ALX1: variants seen among roughly 807,000 people sequenced by gnomAD.
ALX1 encodes the protein ALX homeobox 1, also known as ALX homeobox protein 1.
ALX1 carries 19 observed loss-of-function variants against 31.7 expected under a neutral mutation model. The observed-to-expected ratio is 0.60, with a 90% CI of 0.42 to 0.88. The LOEUF is 0.88. ALX1 is among the 40% of genes least tolerant of loss of function. The probability of loss-of-function intolerance (pLI) is 0.00; values close to 1 mark genes in which losing one functional copy is unlikely to be tolerated. For synonymous variants in ALX1, 153 were observed against 148.8 expected, an observed-to-expected ratio of 1.03 and a Z score of -0.20; for missense variants, 415 against 407.8, an observed-to-expected ratio of 1.02 and a Z score of -0.15.
At chr12:85,285,186 A>G (rs945914669) in intron 2 of ALX1, among the ~76,000 whole-genome samples, 2 of 152,094 alleles carry the variant, frequency 1.3e-5, no homozygotes, top group African/African-American at 4.8e-5. Flanking sequence ...CCAACTGTAC[A>G]TAATGCATCT....
At chr12:85,286,398 A>G (rs1896747743) in intron 2 of ALX1, among the ~76,000 whole-genome samples, 1 of 152,006 alleles carries the variant, frequency 6.6e-6, no homozygotes, top group Non-Finnish European at 1.5e-5. Context: ...CTTTTGTGAT[A>G]TATTTTAAAG....
At chr12:85,294,796 TG>T (rs1354831676) in intron 3 of ALX1, among the ~76,000 whole-genome samples, 2 of 151,058 alleles carry the variant, frequency 1.3e-5, no homozygotes, top group African/African-American at 2.4e-5. Context: ...TTTTTTTTAA[TG>T]GAAAAGTCAC....
chr12:85,290,714 A>G (rs1896807184), intron 3 of ALX1, among the ~76,000 whole-genome samples: 1 of 151,036 alleles, frequency 6.6e-6, no homozygotes, highest in Non-Finnish European at 1.5e-5. Flanking sequence ...TAATCTATTT[A>G]TTTTTCCTCA....
At position 85,281,731 on chromosome 12, in the gene ALX1, C is replaced by A. The variant is rs370786073; in HGVS notation, c.226+1244C>A. ...AGTCATTTATTTAGAAAGATTCGAGCGTATACTTTTTGTTATTCTTACACT... is the reference window on the plus strand; with the variant it reads ...AGTCATTTATTTAGAAAGATTCGAGAGTATACTTTTTGTTATTCTTACACT... On this transcript the variant is annotated intron_variant, in intron 1 of 3. Transcript: ENST00000316824. 1.1e-4 allele frequency among the ~76,000 whole-genome samples: 16 copies of A among 152,168 alleles called. No individual in the cohort carries two copies. The East Asian group carries it at 2.9e-3, about 28-fold the overall frequency.
intron 3 of ALX1, among the ~76,000 whole-genome samples, chr12:85,298,686 A>G (rs1427381201): frequency 4.0e-5 from 6 of 151,812 alleles, no homozygotes; most frequent in African/African-American, 1.4e-4. Flanking sequence ...AATCTTCAAA[A>G]TATTTAGGGT....
At chr12:85,300,580 C>A (rs1447322828) in intron 3 of ALX1, among the ~76,000 whole-genome samples, 4 of 151,532 alleles carry the variant, frequency 2.6e-5, no homozygotes, top group Non-Finnish European at 4.4e-5. Flanking sequence ...TTGTAATTTC[C>A]CAGATTCTCA....
At chr12:85,293,311 GTATCAT>G (rs1896843886) in intron 3 of ALX1, among the ~76,000 whole-genome samples, 1 of 150,068 alleles carries the variant, frequency 6.7e-6, no homozygotes, top group Admixed American at 6.7e-5. Flanking sequence ...ATTTTTGTCA[GTATCAT>G]TAGGTGAAGG....
intron 3 of ALX1, among the ~76,000 whole-genome samples, chr12:85,293,435 CAT>C (rs1382674823): frequency 6.7e-6 from 1 of 149,866 alleles, no homozygotes; most frequent in Non-Finnish European, 1.5e-5. Context: ...AAAAATGAAA[CAT>C]TTCATTTTTA....
chr12:85,300,211 G>T (rs1896944933), intron 3 of ALX1, among the ~76,000 whole-genome samples: 1 of 151,848 alleles, frequency 6.6e-6, no homozygotes, highest in African/African-American at 2.4e-5. Flanking sequence ...TGTTACATAA[G>T]GTCTATATCA....
chr12:85,292,077 G>A (rs1896825519), intron 3 of ALX1, among the ~76,000 whole-genome samples: 2 of 150,996 alleles, frequency 1.3e-5, no homozygotes, highest in Admixed American at 6.6e-5. Context: ...AACTTAATAA[G>A]TAGTAGGAAT....
chr12:85,280,426 C>A lies in ALX1; in HGVS notation c.165C>A (p.Pro55=), dbSNP rs375614518. Residue 55 remains proline (P), a synonymous_variant, in exon 1 of 4, where the codon CCC becomes CCA. Coordinates refer to ENST00000316824, the MANE Select transcript of ALX1 (RefSeq NM_006982.3). ...GCAAATGCGTGCAGGCCTTCGGACC[C>A]CTGCCCCGCGCCGAGCATCACGTGC... ...SAGKCVQAFG[P]LPRAEHHVRL... 1 of 1,612,686 alleles carries A rather than the reference C, an allele frequency of 6.2e-7. No individual in the cohort carries two copies. The highest frequency in any genetic ancestry group is 8.5e-7 in the Non-Finnish European group (1 of 1,180,036).
chr12:85,295,691 G>A (rs1593052533), intron 3 of ALX1, among the ~76,000 whole-genome samples: 1 of 151,524 alleles, frequency 6.6e-6, no homozygotes, highest in Non-Finnish European at 1.5e-5. Context: ...CATGTGATGC[G>A]AGAATTGTGT....
At chr12:85,291,345 A>C (rs1456396581) in intron 3 of ALX1, among the ~76,000 whole-genome samples, 1 of 151,104 alleles carries the variant, frequency 6.6e-6, no homozygotes. Context: ...TTTGTACTAA[A>C]TTTGCAAACA....
intron 3 of ALX1, among the ~76,000 whole-genome samples, chr12:85,294,476 G>A (rs140836451): frequency 1.3e-5 from 2 of 151,030 alleles, no homozygotes; most frequent in African/African-American, 4.8e-5. Flanking sequence ...GCAATCGTGA[G>A]AGTTTCTATA....
intron 3 of ALX1, among the ~76,000 whole-genome samples, chr12:85,297,925 A>G (rs1314424396): frequency 6.6e-6 from 1 of 151,702 alleles, no homozygotes; most frequent in Non-Finnish European, 1.5e-5. Flanking sequence ...AAATTTTGAT[A>G]TATTAACATA....
chr12:85,296,510 G>A (rs1167641636), intron 3 of ALX1, among the ~76,000 whole-genome samples: 2 of 151,520 alleles, frequency 1.3e-5, no homozygotes, highest in African/African-American at 2.4e-5. Context: ...AGGGGCAAAC[G>A]TTCAAAGTGA....
intron 3 of ALX1, among the ~76,000 whole-genome samples, chr12:85,290,491 C>A (rs1896804030): frequency 6.6e-6 from 1 of 151,032 alleles, no homozygotes; most frequent in East Asian, 1.9e-4. Context: ...ATTTAAAAAG[C>A]CTAAACACCT....
At chr12:85,295,241 AACTT>A (rs1896871604) in intron 3 of ALX1, among the ~76,000 whole-genome samples, 1 of 151,390 alleles carries the variant, frequency 6.6e-6, no homozygotes, top group Non-Finnish European at 1.5e-5. Flanking sequence ...CCCTGCCAGC[AACTT>A]ACTGATGTAG....
At chr12:85,294,675 C>T (rs1251714553) in intron 3 of ALX1, among the ~76,000 whole-genome samples, 4 of 150,914 alleles carry the variant, frequency 2.7e-5, no homozygotes, top group Non-Finnish European at 5.9e-5. Context: ...TCTTATTAAG[C>T]TTCGTGCTTT....
Sources: gnomAD v4.1 joint callset for allele counts (sites outside exome capture counted in the v4.1 genomes callset) on GRCh38, gnomAD v4.1.1 for gene constraint, MANE v1.5 for transcripts, NCBI Gene and HGNC (gene_info 2026-07-23, HGNC 2026-07-21) for gene names.